The following PARD3B variants were observed in gnomAD, a reference collection of about 807,000 sequenced individuals.
The protein encoded by PARD3B is partitioning defective 3 homolog B.
In PARD3B, 103 loss-of-function variants were observed where a neutral mutation model predicts 130.2. The observed-to-expected ratio is 0.79, with a 90% confidence interval of 0.67 to 0.93. The LOEUF (loss-of-function observed/expected upper bound fraction) is 0.93. PARD3B is among the 40% of genes least tolerant of loss of function. The pLI is 0.00. For missense variants in PARD3B, 1,609 were observed against 1,499.2 expected (o/e 1.07, Z -1.21); for synonymous variants, 583 against 553.2 (o/e 1.05, Z -0.76).
chr2:205,573,691 T>C (rs1413956980), intron 22 of PARD3B, among the ~76,000 whole-genome samples: 1 of 152,190 alleles, frequency 6.6e-6, no homozygotes, highest in Non-Finnish European at 1.5e-5. Flanking sequence ...ATCAAGAGTA[T>C]TAAATTGATG....
chr2:205,614,460 T>G (rs575456522), intron 22 of PARD3B, among the ~76,000 whole-genome samples: 1 of 152,216 alleles, frequency 6.6e-6, no homozygotes. Context: ...TCTCAGTACT[T>G]TGGGATGCCG....
chr2:204,782,420 G>A (rs988707593), intron 2 of PARD3B, among the ~76,000 whole-genome samples: 15 of 151,076 alleles, frequency 9.9e-5, no homozygotes, highest in African/African-American at 3.6e-4. Flanking sequence ...TGTATGTATT[G>A]TGTGTAATAT....
At chr2:205,578,323 G>T (rs1281239885) in intron 22 of PARD3B, among the ~76,000 whole-genome samples, 1 of 152,112 alleles carries the variant, frequency 6.6e-6, no homozygotes, top group Non-Finnish European at 1.5e-5. Flanking sequence ...AAAGCAAGAG[G>T]TTTATATCCC....
At chr2:205,234,193 G>A (rs1574465029) in intron 15 of PARD3B, among the ~76,000 whole-genome samples, 1 of 152,160 alleles carries the variant, frequency 6.6e-6, no homozygotes, top group Admixed American at 6.5e-5. Flanking sequence ...GGTGGCTCAT[G>A]CCTGTAATCC....
At chr2:204,696,728 A>C (rs2037627902) in intron 2 of PARD3B, among the ~76,000 whole-genome samples, 1 of 152,132 alleles carries the variant, frequency 6.6e-6, no homozygotes, top group South Asian at 2.1e-4. Flanking sequence ...TGTCATGTGA[A>C]TATGGAAACT....
intron 21 of PARD3B, among the ~76,000 whole-genome samples, chr2:205,532,453 T>G (rs2051641806): frequency 6.6e-6 from 1 of 152,168 alleles, no homozygotes; most frequent in South Asian, 2.1e-4. Context: ...CCAATATCCT[T>G]CTCAAAGCCA....
At chr2:205,279,998 A>G (rs2041126897) in intron 16 of PARD3B, among the ~76,000 whole-genome samples, 1 of 152,198 alleles carries the variant, frequency 6.6e-6, no homozygotes, top group African/African-American at 2.4e-5. Flanking sequence ...CCAGAGTCAT[A>G]CTTTGTGCTG....
chr2:205,254,675 T>A lies in PARD3B; in HGVS notation c.2185+8853T>A, dbSNP rs902730944. Among the ~76,000 whole-genome samples the A allele has an allele frequency of 5.3e-5, 8 of 151,570 alleles. No homozygotes were observed. In the East Asian group the frequency reaches 7.8e-4, roughly 15 times the overall value. On this transcript the variant is annotated intron_variant, in intron 16 of 22. Coordinates refer to ENST00000406610, the MANE Select transcript of PARD3B (RefSeq NM_001302769.2). ...CAGTATTTTATTTTATTTTATTTTT[T>A]TTTTTTGAGATGGAGTCTCGCTCTG...
At chr2:204,714,076 T>G (rs934779695) in intron 2 of PARD3B, among the ~76,000 whole-genome samples, 3 of 152,188 alleles carry the variant, frequency 2.0e-5, no homozygotes, top group African/African-American at 7.2e-5. Context: ...TTAAAATCCA[T>G]AGGTCATACC....
At chr2:204,608,680 C>G (rs2033818121) in intron 1 of PARD3B, among the ~76,000 whole-genome samples, 1 of 152,202 alleles carries the variant, frequency 6.6e-6, no homozygotes, top group East Asian at 1.9e-4. Flanking sequence ...CAGGAATTAC[C>G]CAGACAGTAG....
chr2:205,347,823 G>A (rs1037306396), intron 18 of PARD3B: 2 of 152,182 alleles, frequency 1.3e-5, no homozygotes, highest in South Asian at 4.1e-4. Flanking sequence ...GTAAACAAAG[G>A]AAGCTTTTCA....
chr2:204,553,550 G>A (rs984281533), intron 1 of PARD3B, among the ~76,000 whole-genome samples: 3 of 145,202 alleles, frequency 2.1e-5, no homozygotes, highest in Admixed American at 1.4e-4. Flanking sequence ...GTGTGTGTGT[G>A]TGTGTGTGTG....
In PARD3B at chr2:205,499,864, T is replaced by C. The variant is rs1023586613; in HGVS notation, c.3045-32T>C. Reference sequence around the variant, plus strand: ...GTGATTTCAAAGATGATGTACACTGTGTGAATCTGATTATTTGTCTATATC... The same window carrying C: ...GTGATTTCAAAGATGATGTACACTGCGTGAATCTGATTATTTGTCTATATC... On this transcript the variant is annotated intron_variant, in intron 20 of 22. Coordinates refer to ENST00000406610, the MANE Select transcript of PARD3B (RefSeq NM_001302769.2). 2.5e-6 allele frequency: 4 copies of C among 1,604,614 alleles called. No homozygotes were observed. The African/African-American group carries it at 5.4e-5, about 21-fold the overall frequency.
intron 21 of PARD3B, among the ~76,000 whole-genome samples, chr2:205,537,266 A>G (rs1289321816): frequency 1.3e-5 from 2 of 152,362 alleles, no homozygotes; most frequent in South Asian, 4.1e-4. Flanking sequence ...AAGTAGATAA[A>G]CATTCTTCTC....
chr2:204,713,890 T>C (rs2038591322), intron 2 of PARD3B, among the ~76,000 whole-genome samples: 1 of 152,198 alleles, frequency 6.6e-6, no homozygotes, highest in South Asian at 2.1e-4. Context: ...TCTTGTTCCT[T>C]TGATTGGAGA....
intron 1 of PARD3B, among the ~76,000 whole-genome samples, chr2:204,670,670 C>G (rs1477457080): frequency 6.6e-6 from 1 of 151,942 alleles, no homozygotes; most frequent in South Asian, 2.1e-4. Context: ...TTTTTTTCTC[C>G]TTGTTTCCTA....
chr2:205,204,459 T>C (rs1195536351), intron 15 of PARD3B, among the ~76,000 whole-genome samples: 2 of 152,218 alleles, frequency 1.3e-5, no homozygotes, highest in African/African-American at 4.8e-5. Context: ...TTTAATTAGA[T>C]CCCATTTGTC....
At chr2:204,670,194 A>C (rs1043503392) in intron 1 of PARD3B, among the ~76,000 whole-genome samples, 3 of 152,206 alleles carry the variant, frequency 2.0e-5, no homozygotes, top group Admixed American at 6.5e-5. Context: ...AGGGTTGGCA[A>C]AGTTATCTGT....
intron 3 of PARD3B, among the ~76,000 whole-genome samples, chr2:204,977,754 G>A (rs1046687033): frequency 6.8e-6 from 1 of 146,432 alleles, no homozygotes; most frequent in African/African-American, 2.5e-5. Flanking sequence ...GGAGCTTGCA[G>A]TGAGCCGAGA....
Sources: allele counts gnomAD v4.1 joint callset (sites outside exome capture counted in the v4.1 genomes callset), GRCh38; gene constraint gnomAD v4.1.1; transcripts MANE v1.5; gene names NCBI Gene and HGNC (gene_info 2026-07-23, HGNC 2026-07-21).